PCNX2: variants seen among roughly 807,000 people sequenced by gnomAD.
PCNX2 encodes the protein pecanex-like protein 2.
A neutral mutation model predicts 223.8 loss-of-function variants in PCNX2; 168 were observed. The ratio of observed to expected loss-of-function variants is 0.75; its 90% CI spans 0.66 to 0.85. PCNX2 has a LOEUF of 0.85. Ranked by LOEUF, PCNX2 falls within the 40% of genes least tolerant of loss-of-function variation. The pLI, the probability that PCNX2 is intolerant of heterozygous loss-of-function variation, is 0.00. For missense variants in PCNX2, 2,507 were observed against 2,675.5 expected (o/e 0.94, Z 1.39); for synonymous variants, 1,006 against 1,052.6 (o/e 0.96, Z 0.86).
the PCNX2 span, among the ~76,000 whole-genome samples, chr1:233,319,137 A>T: frequency 1.3e-5 from 2 of 151,682 alleles, no homozygotes; most frequent in Non-Finnish European, 2.9e-5. Flanking sequence ...GTTTATCTTG[A>T]CTCTGTAAGA....
chr1:233,169,325 T>C (rs1678993469), intron 17 of PCNX2, among the ~76,000 whole-genome samples: 1 of 152,156 alleles, frequency 6.6e-6, no homozygotes, highest in Non-Finnish European at 1.5e-5. Context: ...TTTAATATAT[T>C]TTTTGAAAAT....
chr1:233,203,910 G>C (rs568088528), intron 13 of PCNX2, among the ~76,000 whole-genome samples: 2 of 152,250 alleles, frequency 1.3e-5, no homozygotes, highest in South Asian at 4.1e-4. Context: ...GCCAGAGGAG[G>C]ACCACTTGTA....
At position 233,250,823 on chromosome 1, in the gene PCNX2, C is replaced by G. The variant is rs774498456; in HGVS notation, c.2138G>C (p.Arg713Thr). ...ATTTCCAGATTTTAAATAACAGGAT[C>G]TAATTTCCCCTGTAAAATCAGAAAA... is the stretch of plus-strand genomic sequence containing the variant. ...HVFIDEHGEI[R>T]SCYLKSGNQK... Residue 713 changes from arginine to threonine, a missense_variant, in exon 8 of 34, where the codon AGA becomes ACA. Arg to Thr is a moderately conservative substitution (Grantham distance 71, BLOSUM62 -1). Around this residue, in one of 3 missense-constraint regions of PCNX2, gnomAD observed 1,031 missense variants for 1,021.7 expected, o/e 1.01. Transcript: ENST00000258229. 6.3e-7 allele frequency: 1 copy of G among 1,586,774 alleles called. No individual in the cohort carries two copies.
At chr1:233,194,111 T>C (rs145642539) in intron 15 of PCNX2, among the ~76,000 whole-genome samples, 27 of 148,252 alleles carry the variant, frequency 1.8e-4, no homozygotes, top group African/African-American at 6.4e-4. Context: ...CATTGTCAAA[T>C]GGCTGAAAAC....
intron 1 of PCNX2, among the ~76,000 whole-genome samples, chr1:233,281,339 T>C (rs1661184164): frequency 6.6e-6 from 1 of 152,216 alleles, no homozygotes; most frequent in Non-Finnish European, 1.5e-5. Flanking sequence ...GGCTATTAGT[T>C]ATCTGGCATT....
At chr1:233,161,971 TATATTTATATATAC>T (rs2102823828) in intron 17 of PCNX2, among the ~76,000 whole-genome samples, 2 of 148,066 alleles carry the variant, frequency 1.4e-5, no homozygotes, top group South Asian at 4.2e-4. Context: ...TATATATATA[TATATTTATATATAC>T]ATATATTTAT....
chr1:233,083,389 T>C (rs1057045636), intron 23 of PCNX2, among the ~76,000 whole-genome samples: 4 of 152,050 alleles, frequency 2.6e-5, no homozygotes, highest in Admixed American at 1.3e-4. Flanking sequence ...GGTATCCAGG[T>C]GATATCACAA....
chr1:233,320,998 T>G, the PCNX2 span, among the ~76,000 whole-genome samples: 1 of 149,818 alleles, frequency 6.7e-6, no homozygotes, highest in African/African-American at 2.5e-5. Flanking sequence ...TTGTTCATTT[T>G]CAAGAAAATG....
chr1:233,124,241 G>A (rs574428118), intron 21 of PCNX2, among the ~76,000 whole-genome samples: 10 of 152,258 alleles, frequency 6.6e-5, no homozygotes, highest in African/African-American at 9.6e-5. Flanking sequence ...ACTTTCTTAC[G>A]GATGGGATGC....
intron 25 of PCNX2, among the ~76,000 whole-genome samples, chr1:233,028,061 G>GT (rs1217612149): frequency 6.6e-6 from 1 of 152,128 alleles, no homozygotes; most frequent in Non-Finnish European, 1.5e-5. Context: ...GTACATTTTT[G>GT]TAAGTTTCGA....
chr1:233,252,631 T>TTA lies in PCNX2; in HGVS notation c.1982+8_1982+9dup. Reference sequence around the variant, plus strand: ...ACCAAGTGAAACTAAATTAAGTAACTTATCCTTACAAGGCTGTGGTCTTGG... The same window carrying TTA: ...ACCAAGTGAAACTAAATTAAGTAACTTATATCCTTACAAGGCTGTGGTCTTGG... On this transcript the variant is annotated intron_variant, in intron 6 of 33. Coordinates refer to ENST00000258229, the MANE Select transcript of PCNX2 (RefSeq NM_014801.4). 1.9e-6 allele frequency: 3 copies of TTA among 1,605,870 alleles called. No homozygotes were observed. Among genetic ancestry groups the TTA allele is most frequent in the Non-Finnish European group, 2.5e-6 (3 of 1,177,844 alleles).
intron 23 of PCNX2, among the ~76,000 whole-genome samples, chr1:233,083,723 C>T (rs1427612521): frequency 2.0e-5 from 3 of 152,046 alleles, no homozygotes; most frequent in Admixed American, 1.3e-4. Context: ...CTGTGATGCT[C>T]GAAGAACAGA....
intron 9 of PCNX2, chr1:233,231,638 T>C: frequency 2.0e-6 from 2 of 984,340 alleles, no homozygotes; most frequent in Non-Finnish European, 2.4e-6. Context: ...GGGCAGGGGA[T>C]AGGGAGAAGG....
At chr1:233,082,356 C>T (rs1361527672) in intron 23 of PCNX2, among the ~76,000 whole-genome samples, 8 of 152,154 alleles carry the variant, frequency 5.3e-5, no homozygotes, top group Non-Finnish European at 1.0e-4. Context: ...CAGGGCCCAA[C>T]GTACAACCTA....
chr1:233,228,929 A>C (rs1005549067), intron 9 of PCNX2, among the ~76,000 whole-genome samples: 1 of 152,242 alleles, frequency 6.6e-6, no homozygotes. Context: ...GCTGACAAAT[A>C]TAAGACACAG....
At chr1:233,154,348 G>C (rs1677988935) in intron 19 of PCNX2, among the ~76,000 whole-genome samples, 1 of 152,190 alleles carries the variant, frequency 6.6e-6, no homozygotes, top group Non-Finnish European at 1.5e-5. Flanking sequence ...CCAAAGTGCT[G>C]GGATTACAGG....
At chr1:233,023,703 C>A (rs1232649896) in intron 26 of PCNX2, among the ~76,000 whole-genome samples, 1 of 152,134 alleles carries the variant, frequency 6.6e-6, no homozygotes, top group Non-Finnish European at 1.5e-5. Flanking sequence ...TTAGGTTGGA[C>A]AAAACATGTA....
chr1:233,218,495 C>T (rs1466917022), intron 10 of PCNX2, among the ~76,000 whole-genome samples: 3 of 151,912 alleles, frequency 2.0e-5, no homozygotes, highest in Admixed American at 2.0e-4. Context: ...CATGATCTGC[C>T]CTCCTTGGCC....
At chr1:233,181,520 A>T (rs1018430008) in intron 15 of PCNX2, among the ~76,000 whole-genome samples, 1 of 152,150 alleles carries the variant, frequency 6.6e-6, no homozygotes, top group Non-Finnish European at 1.5e-5. Flanking sequence ...TTTAACAAAT[A>T]AAAAAAGTTC....
Sources: gnomAD v4.1 joint callset for allele counts (sites outside exome capture counted in the v4.1 genomes callset) on GRCh38, gnomAD v4.1.1 for gene constraint, gnomAD v4.1.1 regional missense constraint, MANE v1.5 for transcripts, NCBI Gene and HGNC (gene_info 2026-07-23, HGNC 2026-07-21) for gene names.